NEO1: variants seen among roughly 807,000 people sequenced by gnomAD.
NEO1 encodes neogenin.
NEO1 carries 63 observed loss-of-function variants against 159.7 expected under a neutral mutation model. The observed-to-expected ratio is 0.39, with a 90% CI of 0.32 to 0.49. The LOEUF is 0.49. NEO1 is among the 20% of genes least tolerant of loss of function. The probability of loss-of-function intolerance (pLI) is 0.85; values close to 1 mark genes in which losing one functional copy is unlikely to be tolerated. For missense variants in NEO1, 1,615 were observed against 1,831.0 expected (o/e 0.88, Z 2.15); for synonymous variants, 633 against 662.0 (o/e 0.96, Z 0.67).
At chr15:73,253,490 C>T in intron 12 of NEO1, 41 bp downstream of exon 12, 2 of 1,431,268 alleles carry the variant, frequency 1.4e-6, no homozygotes, top group Non-Finnish European at 1.9e-6. Flanking sequence ...TACTGGTATA[C>T]TGTTGCGCCT....
intron 4 of NEO1, among the ~76,000 whole-genome samples, chr15:73,130,311 C>A (rs375101337): frequency 9.4e-5 from 14 of 148,874 alleles, no homozygotes; most frequent in African/African-American, 3.2e-4. Context: ...GTTTCCCGCC[C>A]CCCCCGCCGC....
chr15:73,288,256 T>C (rs2042025017), intron 23 of NEO1, 57 bp from the exon 24 acceptor site: 2 of 1,532,502 alleles, frequency 1.3e-6, no homozygotes, highest in Non-Finnish European at 1.8e-6. Flanking sequence ...TCAAGCCTTT[T>C]GACAAATACG....
At chr15:73,243,692 C>G (rs1160700193) in intron 8 of NEO1, among the ~76,000 whole-genome samples, 1 of 152,146 alleles carries the variant, frequency 6.6e-6, no homozygotes, top group Non-Finnish European at 1.5e-5. Flanking sequence ...AAATACTAGA[C>G]CGCTGGATTT....
intron 7 of NEO1, among the ~76,000 whole-genome samples, chr15:73,205,028 C>G (rs1208694410): frequency 6.6e-6 from 1 of 152,144 alleles, no homozygotes; most frequent in African/African-American, 2.4e-5. Context: ...AGTATTACTC[C>G]TCAGAGGGAG....
intron 1 of NEO1, among the ~76,000 whole-genome samples, chr15:73,077,557 A>C (rs2151359369): frequency 6.6e-6 from 1 of 152,340 alleles, no homozygotes; most frequent in African/African-American, 2.4e-5. Flanking sequence ...AATTTCAAAT[A>C]GTTTGTGTTC....
chr15:73,236,619 A>C, intron 8 of NEO1, 113 bp downstream of exon 8: 1 of 853,436 alleles, frequency 1.2e-6, no homozygotes, highest in Non-Finnish European at 1.9e-6. Flanking sequence ...AAATAAGATC[A>C]CTGAGATGCA....
rs755381737 is a variant in NEO1 at position 73,126,419 on chromosome 15, C to A, written c.727C>A (p.Pro243Thr). Residue 243 changes from proline (P) to threonine (T), a missense_variant and splice_region_variant, in exon 4 of 29, where the codon CCT becomes ACT. This residue lies in a region of NEO1 where 1,018 missense variants were observed against 1,115.4 expected (regional missense o/e 0.91). Transcript: ENST00000261908. ...DEVELKVLPD[P>T]EVISDLVFLK... is the part of the protein sequence containing the mutation. The stretch of plus-strand genomic sequence containing the variant: ...TTGTTAATTTTTTTTTTTTTTAGAT[C>A]CTGAGGTGATATCAGACTTGGTATT... 1.3e-6 allele frequency: 2 copies of A among 1,576,500 alleles called. No individual in the cohort carries two copies. Among genetic ancestry groups the A allele is most frequent in the Non-Finnish European group, 8.6e-7 (1 of 1,165,810 alleles).
chr15:73,171,003 GAA>G (rs368313842), intron 5 of NEO1, among the ~76,000 whole-genome samples: 1 of 138,804 alleles, frequency 7.2e-6, no homozygotes, highest in East Asian at 2.1e-4. Flanking sequence ...AGTCTCGGGG[GAA>G]AAAAAAAAAA....
At chr15:73,276,621 T>TAA (rs1322924983) in intron 21 of NEO1, among the ~76,000 whole-genome samples, 17 of 152,260 alleles carry the variant, frequency 1.1e-4, no homozygotes, top group Admixed American at 1.1e-3. Flanking sequence ...GAACTCCTGT[T>TAA]ACCTTCTTTT....
At chr15:73,204,801 G>T (rs2037119120) in intron 7 of NEO1, among the ~76,000 whole-genome samples, 1 of 152,032 alleles carries the variant, frequency 6.6e-6, no homozygotes, top group South Asian at 2.1e-4. Flanking sequence ...CTTGTTTGGG[G>T]CATGAAAATA....
intron 1 of NEO1, among the ~76,000 whole-genome samples, chr15:73,091,166 G>A (rs1012285413): frequency 3.9e-5 from 6 of 152,072 alleles, no homozygotes; most frequent in African/African-American, 9.7e-5. Context: ...TTACTTAGCC[G>A]TTTTCCTGGT....
intron 5 of NEO1, among the ~76,000 whole-genome samples, chr15:73,170,349 A>G (rs2034870678): frequency 6.6e-6 from 1 of 152,210 alleles, no homozygotes; most frequent in African/African-American, 2.4e-5. Context: ...TAAAATTAAG[A>G]AGATTCAGCT....
chr15:73,248,677 A>G (rs1017166748), intron 9 of NEO1, among the ~76,000 whole-genome samples: 7 of 152,160 alleles, frequency 4.6e-5, no homozygotes, highest in African/African-American at 1.7e-4. Context: ...AACTGTTTAT[A>G]TGTCTGACTT....
intron 1 of NEO1, among the ~76,000 whole-genome samples, chr15:73,082,847 A>G (rs1308133493): frequency 6.6e-6 from 1 of 152,154 alleles, no homozygotes; most frequent in Non-Finnish European, 1.5e-5. Context: ...AGAAGTGCAT[A>G]ATAGGGAGAG....
chr15:73,173,187 T>G (rs759677114), intron 5 of NEO1, among the ~76,000 whole-genome samples: 3 of 152,242 alleles, frequency 2.0e-5, no homozygotes, highest in Non-Finnish European at 4.4e-5. Context: ...CTCCAAGTTC[T>G]TGTTTGTCTG....
chr15:73,272,682 G>A (rs1304377966), intron 19 of NEO1, 120 bp downstream of exon 19: 1 of 724,928 alleles, frequency 1.4e-6, no homozygotes, highest in African/African-American at 1.7e-5. Context: ...GTCATTTTAT[G>A]GTAAGGTGTG....
chr15:73,065,068 G>C (rs1424883107), intron 1 of NEO1, among the ~76,000 whole-genome samples: 1 of 151,530 alleles, frequency 6.6e-6, no homozygotes, highest in African/African-American at 2.4e-5. Context: ...TCTTTAACTT[G>C]TTATTTGTAT....
rs112559886 is a variant in NEO1, at chr15:73,262,050, G to A, written c.2398+1585G>A. On this transcript the variant is annotated intron_variant, in intron 15 of 28. Coordinates refer to ENST00000261908, the MANE Select transcript of NEO1 (RefSeq NM_002499.4). ...GACAGTCTTTTTAACAAAAGTTGTG[G>A]GAATACCTGGATATCCATATGAGAA... Among the ~76,000 whole-genome samples, 495 of 152,086 alleles carry A rather than the reference G, an allele frequency of 3.3e-3. 2 individuals carry two copies. Among genetic ancestry groups the A allele is most frequent in the Non-Finnish European group, 4.3e-3 (293 of 67,944 alleles).
intron 4 of NEO1, among the ~76,000 whole-genome samples, chr15:73,129,519 A>G (rs980063511): frequency 1.3e-5 from 2 of 152,214 alleles, no homozygotes; most frequent in African/African-American, 2.4e-5. Context: ...ATTGATCTAT[A>G]TATTTAACCT....
Sources: gnomAD v4.1 joint callset for allele counts (sites outside exome capture counted in the v4.1 genomes callset) on GRCh38, gnomAD v4.1.1 for gene constraint, gnomAD v4.1.1 regional missense constraint, MANE v1.5 for transcripts, NCBI Gene and HGNC (gene_info 2026-07-23, HGNC 2026-07-21) for gene names.